Variants in PDCD6 observed in about 807,000 individuals in gnomAD.
PDCD6 encodes programmed cell death protein 6.
Under a neutral mutation model 28.3 loss-of-function variants are expected in PDCD6, and 12 were observed. The ratio of observed to expected loss-of-function variants is 0.42; its 90% confidence interval spans 0.27 to 0.69. The LOEUF (loss-of-function observed/expected upper bound fraction) is 0.69. PDCD6 is among the 30% of genes least tolerant of loss of function. PDCD6 has a pLI of 0.22. For synonymous variants in PDCD6, 92 were observed against 108.0 expected, an observed-to-expected ratio of 0.85 and a Z score of 0.92; for missense variants, 226 against 269.9, an observed-to-expected ratio of 0.84 and a Z score of 1.14.
chr5:289,860 A>T (rs1739211495), intron 2 of PDCD6: 3 of 1,505,318 alleles, frequency 2.0e-6, no homozygotes, highest in Non-Finnish European at 2.8e-6. Context: ...AATTTCCAGG[A>T]AACATAACAC....
chr5:294,130 C>T (rs1739454171), intron 2 of PDCD6, among the ~76,000 whole-genome samples: 1 of 151,334 alleles, frequency 6.6e-6, no homozygotes, highest in Admixed American at 6.6e-5. Flanking sequence ...ATTTGTATGG[C>T]CTGGGGTTGG....
chr5:288,282 A>T (rs755191960), intron 2 of PDCD6, among the ~76,000 whole-genome samples: 1 of 117,886 alleles, frequency 8.5e-6, no homozygotes, highest in Non-Finnish European at 1.7e-5. Flanking sequence ...CCCTTAAAAT[A>T]ATATATATAT....
chr5:313,611 T>A (rs1741069445), intron 5 of PDCD6: 1 of 151,950 alleles, frequency 6.6e-6, no homozygotes, highest in Non-Finnish European at 1.5e-5. Context: ...CAGGCGAGAG[T>A]CACCACACCC....
intron 2 of PDCD6, among the ~76,000 whole-genome samples, chr5:279,257 G>T (rs1227069882): frequency 6.6e-6 from 1 of 152,122 alleles, no homozygotes; most frequent in Non-Finnish European, 1.5e-5. Flanking sequence ...AGGGTGGATG[G>T]ACTTATAGGT....
At chr5:294,225 C>G (rs185715822) in intron 2 of PDCD6, among the ~76,000 whole-genome samples, 13 of 149,966 alleles carry the variant, frequency 8.7e-5, no homozygotes, top group Admixed American at 5.3e-4. Context: ...AATTATAATG[C>G]TATAAAGCAA....
intron 2 of PDCD6, chr5:289,979 T>C (rs1561038387): frequency 6.3e-7 from 1 of 1,599,312 alleles, no homozygotes; most frequent in African/African-American, 1.3e-5. Flanking sequence ...TCTGTTCCTG[T>C]ATAGTTTCTC....
Position 291,856 on chromosome 5 carries a change from G to A in PDCD6, c.164-12321G>A, listed in dbSNP as rs374587301. Among the ~76,000 whole-genome samples, 220 of 152,352 alleles carry A rather than the reference G, an allele frequency of 1.4e-3. 5 individuals are homozygous for A. In the South Asian group the frequency reaches 0.042, roughly 29 times the overall value. The stretch of plus-strand genomic sequence containing the variant: ...CTGAGGACTGTGTTTTGTTGGGAAC[G>A]TTCTTGGGCGTTTCTTTTGTACACA... On this transcript the variant is annotated intron_variant, in intron 2 of 5. Coordinates refer to ENST00000264933, the MANE Select transcript of PDCD6 (RefSeq NM_013232.4).
At chr5:286,684 C>T (rs1309223195) in intron 2 of PDCD6, among the ~76,000 whole-genome samples, 4 of 149,466 alleles carry the variant, frequency 2.7e-5, no homozygotes, top group African/African-American at 7.4e-5. Flanking sequence ...GTTGGAGAGC[C>T]GTGCAGCTGG....
rs575791160 is a variant in PDCD6 at position 299,866 on chromosome 5, T to A, written c.164-4311T>A. On this transcript the variant is annotated intron_variant, in intron 2 of 5. Coordinates refer to ENST00000264933, the MANE Select transcript of PDCD6 (RefSeq NM_013232.4). ...GCCCAGCTGGTATTTTTTTTTTTAT[T>A]TTTTTATCAAATACAGTTGAGGCTC... 5.0e-3 allele frequency among the ~76,000 whole-genome samples: 746 copies of A among 149,488 alleles called. 5 individuals are homozygous for A. Among genetic ancestry groups the A allele is most frequent in the Non-Finnish European group, 7.2e-3 (483 of 66,786 alleles).
intron 2 of PDCD6, among the ~76,000 whole-genome samples, chr5:291,347 C>CTA (rs201465840): frequency 1.3e-5 from 2 of 152,192 alleles, no homozygotes; most frequent in Non-Finnish European, 1.5e-5. Flanking sequence ...AGCATCTGCT[C>CTA]TGTCTATTTC....
At chr5:271,911 C>T (rs1433803614) in intron 1 of PDCD6, 90 bp downstream of exon 1, 3 of 627,036 alleles carry the variant, frequency 4.8e-6, no homozygotes, top group East Asian at 3.4e-5. Flanking sequence ...CCGTTCCCTG[C>T]CGGTTCTACT....
At position 305,898 on chromosome 5, in the gene PDCD6, G is replaced by C. The variant is rs1174393169; in HGVS notation, c.209-704G>C. ...TAACATATTTCTGATCAAACCAGGAGTAGTCTTATTGCAGTCCTGTATTAA... is the reference window on the plus strand; with the variant it reads ...TAACATATTTCTGATCAAACCAGGACTAGTCTTATTGCAGTCCTGTATTAA... On this transcript the variant is annotated intron_variant, in intron 3 of 5. Transcript: ENST00000264933. This position sits in a 1 kb window ranked among gnomAD's most constrained non-coding sequence, Gnocchi z 4.0. The C allele has an allele frequency of 6.6e-6, 1 of 152,338 alleles. No individual in the cohort carries two copies. Among genetic ancestry groups the C allele is most frequent in the Non-Finnish European group, 1.5e-5 (1 of 68,128 alleles). 9.4% of individuals were successfully genotyped at this position (152,338 alleles called of 1,614,324 possible).
chr5:275,369 G>A (rs549239447), intron 2 of PDCD6, among the ~76,000 whole-genome samples: 5 of 152,322 alleles, frequency 3.3e-5, no homozygotes, highest in South Asian at 4.1e-4. Flanking sequence ...CACCTGCTGC[G>A]GGGCAGCCCC....
chr5:299,881 A>G (rs559924833), intron 2 of PDCD6, among the ~76,000 whole-genome samples: 5 of 151,766 alleles, frequency 3.3e-5, no homozygotes, highest in Non-Finnish European at 7.4e-5. Flanking sequence ...TATCAAATAC[A>G]GTTGAGGCTC....
In PDCD6 at chr5:307,123, A is replaced by G. The variant is rs1007869213; in HGVS notation, c.367+363A>G. ...TTTCATGATAGATCAAAGCACGTTGAAAAGGCAACAGTCACCTAAGAAACA... is the reference window on the plus strand; with the variant it reads ...TTTCATGATAGATCAAAGCACGTTGGAAAGGCAACAGTCACCTAAGAAACA... On this transcript the variant is annotated intron_variant, in intron 4 of 5. Transcript: ENST00000264933. The surrounding 1 kb of genome is among the most constrained non-coding windows in gnomAD (Gnocchi z 6.1). Among the ~76,000 whole-genome samples the G allele has an allele frequency of 5.3e-5, 8 of 152,220 alleles. No homozygotes were observed. Among genetic ancestry groups the G allele is most frequent in the Non-Finnish European group, 1.2e-4 (8 of 68,036 alleles).
In PDCD6 at chr5:271,742, C is replaced by CCCGGCCCTGGGG. The variant is rs147793210; in HGVS notation, c.34_45dup (p.Ala12_Gly15dup). ...GCCCATGGCCGCCTACTCTTACCGC[C>CCCGGCCCTGGGG]CCGGCCCTGGGGCCGGCCCTGGGCC... On this transcript the variant is annotated inframe_insertion, in exon 1 of 6. Transcript: ENST00000264933. 2.1e-5 allele frequency: 33 copies of CCCGGCCCTGGGG among 1,536,028 alleles called. No individual in the cohort carries two copies. The highest frequency in any genetic ancestry group is 2.7e-5 in the Non-Finnish European group (31 of 1,147,514).
intron 2 of PDCD6, among the ~76,000 whole-genome samples, chr5:279,275 G>T (rs898207168): frequency 6.6e-6 from 1 of 152,118 alleles, no homozygotes; most frequent in Non-Finnish European, 1.5e-5. Context: ...GGTGTTGCTT[G>T]TGGCTGGGTG....
chr5:312,624 A>G (rs532878224), intron 5 of PDCD6, among the ~76,000 whole-genome samples: 136 of 152,042 alleles, frequency 8.9e-4, no homozygotes, highest in Non-Finnish European at 1.0e-3. Context: ...GTTGGATGAC[A>G]TTTTTACAAT....
rs1242942311 is a variant in PDCD6 at position 307,378 on chromosome 5, G to A, written c.367+618G>A. Among the ~76,000 whole-genome samples the A allele has an allele frequency of 6.0e-5, 9 of 149,486 alleles. No individual in the cohort carries two copies. Among genetic ancestry groups the A allele is most frequent in the East Asian group, 5.9e-4 (3 of 5,070 alleles). On this transcript the variant is annotated intron_variant, in intron 4 of 5. Transcript: ENST00000264933. The surrounding 1 kb of genome is among the most constrained non-coding windows in gnomAD (Gnocchi z 6.1). The stretch of plus-strand genomic sequence containing the variant: ...GTGTGTGTGCACACGTGTGCCGTGC[G>A]CCTCAGAAGGGGCGTTAGGCAGAAC...
Sources: gnomAD v4.1 joint callset for allele counts (sites outside exome capture counted in the v4.1 genomes callset) on GRCh38, gnomAD v4.1.1 for gene constraint, Gnocchi (gnomAD v3.1) non-coding constraint, MANE v1.5 for transcripts, NCBI Gene and HGNC (gene_info 2026-07-23, HGNC 2026-07-21) for gene names.